Variants in RCC2 observed in about 807,000 individuals in gnomAD.
RCC2 encodes protein RCC2.
RCC2 carries 19 observed loss-of-function variants against 64.1 expected under a neutral mutation model. The observed-to-expected ratio is 0.30, with a 90% confidence interval of 0.21 to 0.44. The LOEUF (loss-of-function observed/expected upper bound fraction) is 0.44, where lower values mean the gene tolerates loss of function less well. Among genes scored for constraint, RCC2 ranks in the 20% least tolerant of loss-of-function variants. The pLI is 1.00. For missense variants in RCC2, 508 were observed against 710.4 expected (o/e 0.72, Z 3.24); for synonymous variants, 325 against 279.6 (o/e 1.16, Z -1.62).
intron 7 of RCC2, among the ~76,000 whole-genome samples, chr1:17,419,845 G>A (rs1258905167): frequency 6.6e-6 from 1 of 152,206 alleles, no homozygotes; most frequent in African/African-American, 2.4e-5. Flanking sequence ...GCTCCACCAC[G>A]GCAACCAACG....
At position 17,425,619 on chromosome 1, in the gene RCC2, G is replaced by A. The variant is rs1157896548; in HGVS notation, c.445C>T (p.Arg149Trp). Residue 149 changes from arginine (R) to tryptophan (W), a missense_variant, in exon 4 of 13, where the codon CGG (arginine) becomes TGG (tryptophan). Arg to Trp is a moderately radical substitution (Grantham distance 101). Coordinates refer to ENST00000375436, the MANE Select transcript of RCC2 (RefSeq NM_018715.4). ...GAGCCCGAGACCACTGTCCGCACCC[G>A]GACCCCCGCCAGGCACCCATATCTG... is the stretch of plus-strand genomic sequence containing the variant. The part of the protein sequence containing the change: ...PHRYGCLAGV[R>W]VRTVVSGSCA... The A allele has an allele frequency of 3.7e-6, 6 of 1,614,090 alleles. No individual in the cohort carries two copies. Among genetic ancestry groups the A allele is most frequent in the African/African-American group, 1.3e-5 (1 of 75,048 alleles).
chr1:17,437,428 G>T (rs1179398215), intron 2 of RCC2, among the ~76,000 whole-genome samples: 1 of 152,222 alleles, frequency 6.6e-6, no homozygotes, highest in African/African-American at 2.4e-5. Flanking sequence ...TGTGGCGGCA[G>T]ATGCCGGGTT....
intron 3 of RCC2, among the ~76,000 whole-genome samples, chr1:17,428,058 C>A (rs2100383335): frequency 6.6e-6 from 1 of 152,346 alleles, no homozygotes; most frequent in African/African-American, 2.4e-5. Flanking sequence ...ACAGAGTTAA[C>A]TAGAGAGTGG....
intron 2 of RCC2, among the ~76,000 whole-genome samples, chr1:17,437,845 C>T (rs1297939037): frequency 6.8e-6 from 1 of 146,094 alleles, no homozygotes; most frequent in East Asian, 2.0e-4. Context: ...TGGCCGCCCC[C>T]TCTTCCAGGC....
At chr1:17,422,882 G>A (rs1209205680) in intron 4 of RCC2, 46 bp from the exon 5 acceptor site, 1 of 1,611,936 alleles carries the variant, frequency 6.2e-7, no homozygotes. Context: ...GGGTGGTCCA[G>A]GCGGCACCAC....
chr1:17,439,180 C>T (rs1252390724), intron 1 of RCC2, among the ~76,000 whole-genome samples: 1 of 152,266 alleles, frequency 6.6e-6, no homozygotes, highest in African/African-American at 2.4e-5. Context: ...AACACCTGCT[C>T]GCACAGACAC....
At chr1:17,416,399 G>T in intron 8 of RCC2, 81 bp downstream of exon 8, 1 of 1,475,682 alleles carries the variant, frequency 6.8e-7, no homozygotes, top group Non-Finnish European at 9.2e-7. Context: ...CCTAGCCAAA[G>T]CCAAGCGTCA....
intron 2 of RCC2, among the ~76,000 whole-genome samples, chr1:17,437,559 G>A (rs1461242170): frequency 2.6e-5 from 4 of 151,780 alleles, no homozygotes; most frequent in Admixed American, 1.3e-4. Flanking sequence ...TCACTTGGGG[G>A]GGCTACAACA....
chr1:17,425,343 T>C (rs1159503665), intron 4 of RCC2, among the ~76,000 whole-genome samples, 198 bp downstream of exon 4: 1 of 151,596 alleles, frequency 6.6e-6, no homozygotes, highest in Non-Finnish European at 1.5e-5. Context: ...GGGCAAAAAA[T>C]GTCAGGGGGG....
In RCC2 at chr1:17,414,647, C is replaced by T. The variant is rs186713512; in HGVS notation, c.1027-930G>A. Among the ~76,000 whole-genome samples, 151 of 152,128 alleles carry T rather than the reference C, an allele frequency of 9.9e-4. 3 individuals carry two copies. The highest frequency in any genetic ancestry group is 9.7e-3 in the Admixed American group (149 of 15,284). On this transcript the variant is annotated intron_variant, in intron 8 of 12. Transcript: ENST00000375436. ...TGGATTTTTCGTTTCTTTTCCCCCC[C>T]TCGAGAGGGTCTCGTGCTCTGTTAC...
rs1327294727 is a variant in RCC2 at position 17,429,115 on chromosome 1, T to C, written c.370A>G (p.Lys124Glu). The change falls in exon 3 of 13, where the codon AAA (lysine) becomes GAA (glutamate). Residue 124 changes from lysine (K) to glutamate (E), a missense_variant. By Grantham distance (56) the Lys-to-Glu change is moderately conservative. Around this residue, in one of 4 missense-constraint regions of RCC2, gnomAD observed 132 missense variants for 207.3 expected, o/e 0.64. Transcript: ENST00000375436. ...GGCACCATTCTCATACCTTGCTGTT[T>C]AGGCACTTCTTTTCGACCAATCAAG... ...WDLIGRKEVP[K>E]QQAAYRNLGQ... 1 of 1,613,870 alleles carries C rather than the reference T, an allele frequency of 6.2e-7. No individual in the cohort carries two copies.
intron 3 of RCC2, among the ~76,000 whole-genome samples, chr1:17,427,581 A>G (rs567173615): frequency 5.3e-5 from 8 of 152,176 alleles, no homozygotes; most frequent in Admixed American, 3.3e-4. Context: ...AGACAAAATG[A>G]TGGCATGATT....
At chr1:17,409,557 A>G (rs1361626840) in intron 12 of RCC2, among the ~76,000 whole-genome samples, 1 of 152,184 alleles carries the variant, frequency 6.6e-6, no homozygotes, top group African/African-American at 2.4e-5. Flanking sequence ...CTTGGCAGAC[A>G]GGGCCAGCAG....
At chr1:17,435,439 T>C (rs1292243925) in intron 2 of RCC2, among the ~76,000 whole-genome samples, 1 of 152,220 alleles carries the variant, frequency 6.6e-6, no homozygotes, top group Non-Finnish European at 1.5e-5. Context: ...AAAAAGGTTC[T>C]TTCTGCAACA....
Position 17,416,481 on chromosome 1 carries a change from G to A in RCC2, c.1025C>T (p.Thr342Met). 2.5e-6 allele frequency: 4 copies of A among 1,606,300 alleles called. No individual in the cohort carries two copies. Among genetic ancestry groups the A allele is most frequent in the Non-Finnish European group, 3.4e-6 (4 of 1,174,828 alleles). Residue 342 changes from threonine to methionine, a missense_variant and splice_region_variant, in exon 8 of 13, where the codon ACG becomes ATG. Physicochemically the swap from Thr to Met is moderately conservative, Grantham distance 81. This residue lies in a region of RCC2 where 179 missense variants were observed against 322.0 expected (regional missense o/e 0.56). Coordinates refer to ENST00000375436, the MANE Select transcript of RCC2 (RefSeq NM_018715.4). ...VRDVACGANH[T>M]LVLDSQKRVF... is the part of the protein sequence containing the mutation. Reference sequence around the variant, plus strand: ...GAAGTGAGAAAAGCCGAGCCTCACCGTGTGGTTAGCGCCACAGGCCACGTC... The same window carrying A: ...GAAGTGAGAAAAGCCGAGCCTCACCATGTGGTTAGCGCCACAGGCCACGTC...
chr1:17,407,057 A>T lies in RCC2; in HGVS notation c.*2033T>A, dbSNP rs1156857532. The T allele has an allele frequency of 1.3e-5, 2 of 152,204 alleles. No individual in the cohort carries two copies. Among genetic ancestry groups the T allele is most frequent in the Admixed American group, 6.5e-5 (1 of 15,290 alleles). The allele number at this position is 152,204 out of a possible 1,614,324, so 9.4% of individuals were successfully genotyped here. On this transcript the variant is annotated 3_prime_UTR_variant, in exon 13 of 13. Transcript: ENST00000375436. ...CTTGTTTTAAAGGATTTAACCCATT[A>T]GGAAGCCCATTTTTCAATCTAAGCC...
At chr1:17,411,314 C>T (rs186824620) in intron 11 of RCC2, among the ~76,000 whole-genome samples, 2 of 152,284 alleles carry the variant, frequency 1.3e-5, no homozygotes, top group East Asian at 1.9e-4. Flanking sequence ...CAGTGGCTCA[C>T]GCCTGTAATC....
In RCC2 at chr1:17,416,525, T is replaced by G; in HGVS notation, c.981A>C (p.Val327=). 1.2e-6 allele frequency: 2 copies of G among 1,613,868 alleles called. No individual in the cohort carries two copies. Among genetic ancestry groups the G allele is most frequent in the Non-Finnish European group, 1.7e-6 (2 of 1,180,034 alleles). ...CCACGTCTCGTACAACCACGTTTGG[T>G]ACAGGCAGAATCTGTCCATCTTTCG... is the stretch of plus-strand genomic sequence containing the variant. The part of the protein sequence containing the change: ...EKTKDGQILP[V]PNVVVRDVAC... Residue 327 remains valine (V), a synonymous_variant, in exon 8 of 13, where the codon GTA becomes GTC. Coordinates refer to ENST00000375436, the MANE Select transcript of RCC2 (RefSeq NM_018715.4).
At chr1:17,423,313 C>T (rs191755991) in intron 4 of RCC2, among the ~76,000 whole-genome samples, 2 of 151,718 alleles carry the variant, frequency 1.3e-5, no homozygotes, top group African/African-American at 4.9e-5. Context: ...TTGGTGTCTG[C>T]CCAATATTTC....
Sources: gnomAD v4.1 joint callset for allele counts (sites outside exome capture counted in the v4.1 genomes callset) on GRCh38, gnomAD v4.1.1 for gene constraint, gnomAD v4.1.1 regional missense constraint, MANE v1.5 for transcripts, NCBI Gene and HGNC (gene_info 2026-07-23, HGNC 2026-07-21) for gene names.